MALRD1: variants seen among roughly 807,000 people sequenced by gnomAD.
The protein encoded by MALRD1 is MAM and LDL receptor class A domain containing 1, also known as MAM and LDL-receptor class A domain-containing protein 1.
In MALRD1, 247 loss-of-function variants were observed where a neutral mutation model predicts 242.1. The observed-to-expected ratio is 1.02, with a 90% CI of 0.92 to 1.13. The LOEUF (loss-of-function observed/expected upper bound fraction) is 1.13, where lower values mean the gene tolerates loss of function less well. MALRD1 is among the 50% of genes most tolerant of loss of function. The pLI is 0.00. For missense variants in MALRD1, 2,989 were observed against 2,533.1 expected (o/e 1.18, Z -3.86); for synonymous variants, 995 against 866.6 (o/e 1.15, Z -2.60).
At chr10:19,356,508 A>C (rs1182445395) in intron 26 of MALRD1, among the ~76,000 whole-genome samples, 1 of 152,162 alleles carries the variant, frequency 6.6e-6, no homozygotes, top group East Asian at 1.9e-4. Context: ...GATCTACCCA[A>C]ATTTTAGCAG....
In MALRD1 at chr10:19,582,606, C is replaced by CGCTGT. The variant is rs1474894279; in HGVS notation, c.5681-12587_5681-12583dup. On this transcript the variant is annotated intron_variant, in intron 33 of 39. Coordinates refer to ENST00000454679, the MANE Select transcript of MALRD1 (RefSeq NM_001142308.3). ...TATCTCTGTTTTGGTACCAGTACCACGCTGTTTTGGTTACTGTAGCCTTGT... is the reference window on the plus strand; with the variant it reads ...TATCTCTGTTTTGGTACCAGTACCACGCTGTGCTGTTTTGGTTACTGTAGCCTTGT... 2.1e-3 allele frequency among the ~76,000 whole-genome samples: 291 copies of CGCTGT among 136,974 alleles called. 2 individuals carry two copies. Among genetic ancestry groups the CGCTGT allele is most frequent in the African/African-American group, 7.2e-3 (274 of 37,996 alleles). 89.9% of individuals were successfully genotyped at this position (136,974 alleles called of 152,430 possible).
chr10:19,348,614 A>C (rs12772571), intron 25 of MALRD1, among the ~76,000 whole-genome samples: 83,418 of 151,896 alleles, frequency 0.55, 23,137 homozygotes, highest in Middle Eastern at 0.59. Context: ...TAAAAGTATA[A>C]ATAAGGTTGT....
intron 12 of MALRD1, among the ~76,000 whole-genome samples, 198 bp downstream of exon 12, chr10:19,155,370 T>A (rs1000248622): frequency 6.6e-6 from 1 of 152,240 alleles, no homozygotes; most frequent in African/African-American, 2.4e-5. Flanking sequence ...ACCATTCTTT[T>A]GAGGGCTATT....
intron 26 of MALRD1, among the ~76,000 whole-genome samples, chr10:19,380,164 G>A (rs1405229462): frequency 2.0e-5 from 3 of 151,296 alleles, no homozygotes; most frequent in African/African-American, 2.4e-5. Flanking sequence ...TAGTAGAGAC[G>A]GGGTTTCACC....
At chr10:19,274,164 T>C (rs1840390483) in intron 19 of MALRD1, among the ~76,000 whole-genome samples, 1 of 152,164 alleles carries the variant, frequency 6.6e-6, no homozygotes, top group Non-Finnish European at 1.5e-5. Flanking sequence ...TCTTGAGATT[T>C]TTGCCTCCCC....
At chr10:19,662,632 C>T (rs988333742) in intron 36 of MALRD1, among the ~76,000 whole-genome samples, 1 of 152,052 alleles carries the variant, frequency 6.6e-6, no homozygotes, top group African/African-American at 2.4e-5. Context: ...TCCAATTATT[C>T]AAGGAAAGAG....
intron 28 of MALRD1, among the ~76,000 whole-genome samples, chr10:19,444,387 C>A (rs1009649089): frequency 2.0e-5 from 3 of 152,146 alleles, no homozygotes; most frequent in African/African-American, 7.2e-5. Flanking sequence ...TTAGTTGATG[C>A]AGTTTCTTCC....
intron 28 of MALRD1, among the ~76,000 whole-genome samples, chr10:19,426,070 A>C (rs1471035205): frequency 1.3e-5 from 2 of 152,168 alleles, no homozygotes; most frequent in African/African-American, 2.4e-5. Flanking sequence ...AATATTTTTA[A>C]CAGTCTTATT....
At chr10:19,513,205 A>G (rs998397057) in intron 31 of MALRD1, among the ~76,000 whole-genome samples, 1 of 152,256 alleles carries the variant, frequency 6.6e-6, no homozygotes, top group East Asian at 1.9e-4. Context: ...CATGAACGGC[A>G]TGGTGCTCCA....
intron 30 of MALRD1, among the ~76,000 whole-genome samples, chr10:19,496,451 A>C (rs1317631935): frequency 6.6e-6 from 1 of 152,254 alleles, no homozygotes; most frequent in East Asian, 1.9e-4. Flanking sequence ...CTGCTTCTGA[A>C]TGACTTTTGG....
chr10:19,443,986 G>C (rs1301219316), intron 28 of MALRD1, among the ~76,000 whole-genome samples: 1 of 152,142 alleles, frequency 6.6e-6, no homozygotes, highest in Non-Finnish European at 1.5e-5. Context: ...ATGAATCTGG[G>C]TGCTCCTGTA....
intron 12 of MALRD1, among the ~76,000 whole-genome samples, chr10:19,159,814 C>T (rs1834320763): frequency 6.6e-6 from 1 of 152,086 alleles, no homozygotes; most frequent in Non-Finnish European, 1.5e-5. Flanking sequence ...CTTAGGTACT[C>T]ATCCATATGC....
At chr10:19,630,304 T>G (rs1029965021) in intron 36 of MALRD1, among the ~76,000 whole-genome samples, 1 of 152,272 alleles carries the variant, frequency 6.6e-6, no homozygotes, top group African/African-American at 2.4e-5. Context: ...AAAATACATC[T>G]CTTTCAAATT....
intron 14 of MALRD1, among the ~76,000 whole-genome samples, chr10:19,201,256 A>C (rs1380383339): frequency 6.6e-6 from 1 of 152,170 alleles, no homozygotes; most frequent in African/African-American, 2.4e-5. Context: ...ATGATCAATC[A>C]AGGGGAGTTT....
intron 21 of MALRD1, among the ~76,000 whole-genome samples, chr10:19,287,103 C>T (rs1235696707): frequency 6.6e-6 from 1 of 152,108 alleles, no homozygotes. Context: ...ATTTTTATCA[C>T]AGTGACTGCA....
intron 36 of MALRD1, among the ~76,000 whole-genome samples, chr10:19,647,014 G>A (rs1318600312): frequency 6.6e-6 from 1 of 152,108 alleles, no homozygotes; most frequent in Non-Finnish European, 1.5e-5. Flanking sequence ...ACTTTAAAAA[G>A]CTGGATGAAA....
Position 19,687,570 on chromosome 10 carries a change from A to G in MALRD1, c.6138-4712A>G, listed in dbSNP as rs189550476. ...CACTTTCCTTGTCCTATTTCTCTCTATAGGAGCCTTCACCCTTTACCCCAA... is the reference window on the plus strand; with the variant it reads ...CACTTTCCTTGTCCTATTTCTCTCTGTAGGAGCCTTCACCCTTTACCCCAA... On this transcript the variant is annotated intron_variant, in intron 36 of 39. Coordinates refer to ENST00000454679, the MANE Select transcript of MALRD1 (RefSeq NM_001142308.3). 7.2e-5 allele frequency among the ~76,000 whole-genome samples: 11 copies of G among 152,272 alleles called. No individual in the cohort carries two copies. The East Asian group carries it at 1.7e-3, about 24-fold the overall frequency.
At chr10:19,242,262 G>A (rs1010181748) in intron 18 of MALRD1, among the ~76,000 whole-genome samples, 3 of 152,080 alleles carry the variant, frequency 2.0e-5, no homozygotes, top group East Asian at 1.9e-4. Context: ...CTTGTTAGAC[G>A]TATTCACTAC....
At chr10:19,271,964 C>G (rs543094771) in intron 19 of MALRD1, among the ~76,000 whole-genome samples, 1 of 152,064 alleles carries the variant, frequency 6.6e-6, no homozygotes, top group Non-Finnish European at 1.5e-5. Flanking sequence ...TCAAAACTAT[C>G]AGGAAATTGA....
Sources: gnomAD v4.1 joint callset for allele counts (sites outside exome capture counted in the v4.1 genomes callset) on GRCh38, gnomAD v4.1.1 for gene constraint, MANE v1.5 for transcripts, NCBI Gene and HGNC (gene_info 2026-07-23, HGNC 2026-07-21) for gene names.